RANBP17: variants seen among roughly 807,000 people sequenced by gnomAD.
The protein encoded by RANBP17 is ran-binding protein 17.
In RANBP17, 158 loss-of-function variants were observed where a neutral mutation model predicts 141.2. The ratio of observed to expected loss-of-function variants is 1.12; its 90% CI spans 0.98 to 1.28. The LOEUF (loss-of-function observed/expected upper bound fraction) is 1.28. Among genes scored for constraint, RANBP17 ranks in the 50% most tolerant of loss-of-function variants. RANBP17 has a pLI of 0.00. For missense variants in RANBP17, 1,438 were observed against 1,290.7 expected, an observed-to-expected ratio of 1.11 and a Z score of -1.75; for synonymous variants, 430 against 450.0, an observed-to-expected ratio of 0.96 and a Z score of 0.56.
At chr5:170,876,241 CTG>C (rs933706924) in intron 1 of RANBP17, among the ~76,000 whole-genome samples, 82 of 152,230 alleles carry the variant, frequency 5.4e-4, no homozygotes, top group African/African-American at 1.9e-3. Flanking sequence ...TCCCTCCTCC[CTG>C]TGGGTTACCC....
chr5:171,140,834 C>A (rs1757637822), intron 14 of RANBP17, among the ~76,000 whole-genome samples: 1 of 152,158 alleles, frequency 6.6e-6, no homozygotes, highest in Admixed American at 6.5e-5. Flanking sequence ...CCTACTCTTA[C>A]ATTACTGTGA....
intron 5 of RANBP17, among the ~76,000 whole-genome samples, chr5:170,901,168 A>G (rs969477971): frequency 6.6e-6 from 1 of 152,180 alleles, no homozygotes; most frequent in Non-Finnish European, 1.5e-5. Context: ...GTCTCTAAGA[A>G]CTTGCTTTAT....
At chr5:170,988,396 G>T (rs1158172132) in intron 14 of RANBP17, among the ~76,000 whole-genome samples, 4 of 149,048 alleles carry the variant, frequency 2.7e-5, no homozygotes, top group Non-Finnish European at 4.5e-5. Flanking sequence ...GTGATTCTAG[G>T]AATAAGAATA....
At chr5:170,956,658 C>T (rs1775721583) in intron 13 of RANBP17, among the ~76,000 whole-genome samples, 1 of 151,864 alleles carries the variant, frequency 6.6e-6, no homozygotes, top group South Asian at 2.1e-4. Flanking sequence ...CCATGTTGGT[C>T]AGGCTGGTCT....
chr5:170,909,813 T>C (rs1332125591), intron 6 of RANBP17, 48 bp downstream of exon 6: 1 of 1,009,968 alleles, frequency 9.9e-7, no homozygotes, highest in Non-Finnish European at 1.5e-6. Context: ...TTTGGGAAAT[T>C]TTAAGAGTTT....
intron 11 of RANBP17, among the ~76,000 whole-genome samples, chr5:170,923,507 GT>G (rs1772649020): frequency 6.6e-6 from 1 of 152,082 alleles, no homozygotes; most frequent in African/African-American, 2.4e-5. Flanking sequence ...TTTTGAATCA[GT>G]TTCTTAGTTT....
chr5:170,895,078 T>C (rs1317469313), intron 4 of RANBP17, among the ~76,000 whole-genome samples: 1 of 152,168 alleles, frequency 6.6e-6, no homozygotes, highest in South Asian at 2.1e-4. Flanking sequence ...GATGGATGTT[T>C]CAGTGTGTAG....
At chr5:171,130,190 T>G (rs1756800721) in intron 14 of RANBP17, among the ~76,000 whole-genome samples, 1 of 151,996 alleles carries the variant, frequency 6.6e-6, no homozygotes, top group Admixed American at 6.6e-5. Flanking sequence ...ATAAGAACAT[T>G]AAAACAATTC....
At chr5:170,936,885 T>G (rs1298156101) in intron 12 of RANBP17, among the ~76,000 whole-genome samples, 1 of 152,216 alleles carries the variant, frequency 6.6e-6, no homozygotes, top group African/African-American at 2.4e-5. Flanking sequence ...CATTTGTGAT[T>G]GTTATGTCTT....
intron 24 of RANBP17, among the ~76,000 whole-genome samples, chr5:171,255,655 A>G (rs572614655): frequency 5.9e-5 from 9 of 152,294 alleles, no homozygotes; most frequent in Non-Finnish European, 1.2e-4. Flanking sequence ...CAAAAATTCA[A>G]TATACTTTTA....
chr5:171,230,698 G>A (rs1764157051), intron 22 of RANBP17, among the ~76,000 whole-genome samples: 1 of 152,118 alleles, frequency 6.6e-6, no homozygotes, highest in African/African-American at 2.4e-5. Flanking sequence ...GGAGGCAGAG[G>A]TTGCAGTGAG....
chr5:171,137,281 T>G (rs1372786253), intron 14 of RANBP17, among the ~76,000 whole-genome samples: 1 of 152,156 alleles, frequency 6.6e-6, no homozygotes, highest in Non-Finnish European at 1.5e-5. Context: ...GACATACCTA[T>G]TTTGATAGTA....
intron 12 of RANBP17, among the ~76,000 whole-genome samples, chr5:170,950,750 G>A (rs1245447651): frequency 3.3e-5 from 5 of 152,138 alleles, no homozygotes; most frequent in African/African-American, 1.2e-4. Flanking sequence ...AAGGGAAAGA[G>A]TTCAGTATGT....
At chr5:170,931,508 T>C (rs917092272) in intron 12 of RANBP17, among the ~76,000 whole-genome samples, 4 of 152,106 alleles carry the variant, frequency 2.6e-5, no homozygotes, top group African/African-American at 4.8e-5. Flanking sequence ...ATGGTATTGC[T>C]TAGGTTTTCT....
intron 20 of RANBP17, among the ~76,000 whole-genome samples, chr5:171,209,980 A>G (rs74291542): frequency 3.5e-5 from 5 of 142,690 alleles, no homozygotes; most frequent in Non-Finnish European, 8.0e-5. Context: ...ATGGATGGAT[A>G]GATATTGTAA....
In RANBP17 at chr5:171,038,702, G is replaced by A. The variant is rs7734750; in HGVS notation, c.1710+70325G>A. On this transcript the variant is annotated intron_variant, in intron 14 of 27. Coordinates refer to ENST00000523189, the MANE Select transcript of RANBP17 (RefSeq NM_022897.5). The stretch of plus-strand genomic sequence containing the variant: ...AAGTTTTTTCCACATCTATTGAGAT[G>A]GTTTTATTGAAAGTTTTTTCCACAT... Among the ~76,000 whole-genome samples, 552 of 151,998 alleles carry A rather than the reference G, an allele frequency of 3.6e-3. 4 individuals are homozygous for A. The highest frequency in any genetic ancestry group is 0.012 in the African/African-American group (514 of 41,472).
intron 14 of RANBP17, among the ~76,000 whole-genome samples, chr5:171,033,255 A>G (rs1781663288): frequency 6.6e-6 from 1 of 152,142 alleles, no homozygotes; most frequent in South Asian, 2.1e-4. Flanking sequence ...TACAGTGTGG[A>G]TAGGCCAGTG....
intron 5 of RANBP17, among the ~76,000 whole-genome samples, chr5:170,898,631 G>T (rs1359047283): frequency 2.6e-5 from 4 of 151,180 alleles, no homozygotes; most frequent in Admixed American, 2.0e-4. Context: ...TACTGCCTAG[G>T]TTAGGGTTTT....
intron 14 of RANBP17, among the ~76,000 whole-genome samples, chr5:170,976,122 T>C (rs146755410): frequency 2.0e-5 from 3 of 152,246 alleles, no homozygotes; most frequent in African/African-American, 7.2e-5. Context: ...ACTGAAAAAC[T>C]GTTAGAACTA....
Sources: allele counts gnomAD v4.1 joint callset (sites outside exome capture counted in the v4.1 genomes callset), GRCh38; gene constraint gnomAD v4.1.1; transcripts MANE v1.5; gene names NCBI Gene and HGNC (gene_info 2026-07-23, HGNC 2026-07-21).